PDLIM5: variants seen among roughly 807,000 people sequenced by gnomAD.
PDLIM5 encodes the protein PDZ and LIM domain 5.
PDLIM5 carries 34 observed loss-of-function variants against 64.2 expected under a neutral mutation model. The observed-to-expected ratio is 0.53, with a 90% CI of 0.40 to 0.71. The LOEUF is 0.71. Among genes scored for constraint, PDLIM5 ranks in the 30% least tolerant of loss-of-function variants. The pLI is 0.00. For missense variants in PDLIM5, 683 were observed against 733.6 expected, an observed-to-expected ratio of 0.93 and a Z score of 0.80; for synonymous variants, 253 against 269.1, an observed-to-expected ratio of 0.94 and a Z score of 0.59.
intron 2 of PDLIM5, chr4:94,455,732 A>C: frequency 6.8e-7 from 1 of 1,469,820 alleles, no homozygotes; most frequent in Non-Finnish European, 9.2e-7. Flanking sequence ...ATGGGATTTT[A>C]ATAATCTCTT....
intron 8 of PDLIM5, among the ~76,000 whole-genome samples, chr4:94,625,740 A>T (rs1193108972): frequency 6.6e-6 from 1 of 152,172 alleles, no homozygotes; most frequent in Non-Finnish European, 1.5e-5. Context: ...GACGTGAGCC[A>T]CTGCGCCCGG....
At chr4:94,488,352 AT>A (rs1726543377) in intron 2 of PDLIM5, among the ~76,000 whole-genome samples, 1 of 152,122 alleles carries the variant, frequency 6.6e-6, no homozygotes, top group Non-Finnish European at 1.5e-5. Flanking sequence ...TTTCCTAGCA[AT>A]TTTTATTACT....
At chr4:94,566,696 G>A (rs1028739142) in intron 3 of PDLIM5, among the ~76,000 whole-genome samples, 7 of 152,254 alleles carry the variant, frequency 4.6e-5, no homozygotes, top group African/African-American at 1.4e-4. Context: ...AAAGAGCTTC[G>A]TAAGAGAAGG....
intron 3 of PDLIM5, among the ~76,000 whole-genome samples, chr4:94,552,359 A>G (rs180801504): frequency 2.9e-3 from 449 of 152,296 alleles, no homozygotes; most frequent in Non-Finnish European, 3.7e-3. Flanking sequence ...AAATGTGGGC[A>G]ACATTCTTGT....
Position 94,655,328 on chromosome 4 carries a change from T to A in PDLIM5, c.1464+688T>A, listed in dbSNP as rs527827269. On this transcript the variant is annotated intron_variant, in intron 10 of 12. Coordinates refer to ENST00000317968, the MANE Select transcript of PDLIM5 (RefSeq NM_006457.5). ...TAAAGTAAGGGTCAGGCATACTTTA[T>A]GGTGACTAGGAGCTGGAATCTGATT... Among the ~76,000 whole-genome samples the A allele has an allele frequency of 5.9e-5, 9 of 152,314 alleles. No individual in the cohort carries two copies. The East Asian group carries it at 1.7e-3, about 29-fold the overall frequency.
intron 2 of PDLIM5, among the ~76,000 whole-genome samples, chr4:94,501,264 T>C (rs1357367088): frequency 2.0e-5 from 3 of 152,046 alleles, no homozygotes; most frequent in Non-Finnish European, 2.9e-5. Context: ...TTTTATTTTT[T>C]GTAGAGATGG....
chr4:94,626,459 C>T (rs1266827655), intron 8 of PDLIM5, among the ~76,000 whole-genome samples: 2 of 152,128 alleles, frequency 1.3e-5, no homozygotes, highest in Non-Finnish European at 2.9e-5. Flanking sequence ...ACTCTGAATA[C>T]TGTATTTTCC....
intron 7 of PDLIM5, among the ~76,000 whole-genome samples, chr4:94,611,968 A>G (rs1409015614): frequency 6.6e-6 from 1 of 152,222 alleles, no homozygotes; most frequent in Non-Finnish European, 1.5e-5. Context: ...CTGTAATCCC[A>G]GCATTTTGGG....
intron 2 of PDLIM5, among the ~76,000 whole-genome samples, chr4:94,463,347 T>TC (rs1205027244): frequency 2.0e-5 from 3 of 152,212 alleles, no homozygotes; most frequent in Non-Finnish European, 2.9e-5. Flanking sequence ...CTACTGTTGA[T>TC]CAGAAGCCTT....
chr4:94,618,083 A>G lies in PDLIM5; in HGVS notation c.1000A>G (p.Thr334Ala), dbSNP rs754650867. ...CATGCCCGAGAGCCTGGACAGCCCAACCTCTGGCAGACCAGGGGTTACCAG... is the reference window on the plus strand; with the variant it reads ...CATGCCCGAGAGCCTGGACAGCCCAGCCTCTGGCAGACCAGGGGTTACCAG... ...RSMPESLDSP[T>A]SGRPGVTSLT... Residue 334 changes from threonine (T) to alanine (A), a missense_variant, in exon 8 of 13, where the codon ACC (threonine) becomes GCC (alanine). By Grantham distance (58) the Thr-to-Ala change is moderately conservative. Coordinates refer to ENST00000317968, the MANE Select transcript of PDLIM5 (RefSeq NM_006457.5). 1.6e-5 allele frequency: 25 copies of G among 1,612,078 alleles called. No homozygotes were observed. In the Admixed American group the frequency reaches 3.3e-4, roughly 22 times the overall value.
At chr4:94,470,859 T>C (rs1578208857) in intron 2 of PDLIM5, among the ~76,000 whole-genome samples, 2 of 152,184 alleles carry the variant, frequency 1.3e-5, no homozygotes, top group Admixed American at 1.3e-4. Flanking sequence ...CAAGAGTGGG[T>C]AATTTATAAA....
intron 3 of PDLIM5, among the ~76,000 whole-genome samples, chr4:94,563,017 T>G (rs1275746339): frequency 2.6e-5 from 4 of 152,198 alleles, no homozygotes; most frequent in Admixed American, 6.5e-5. Flanking sequence ...AGTCTTCTAT[T>G]ATAAGCAAAA....
At chr4:94,541,538 T>G (rs2110184451) in intron 3 of PDLIM5, among the ~76,000 whole-genome samples, 1 of 152,328 alleles carries the variant, frequency 6.6e-6, no homozygotes, top group South Asian at 2.1e-4. Context: ...GCAAGGACAG[T>G]TTTGTGGGGG....
chr4:94,654,952 A>G (rs1192218360), intron 10 of PDLIM5, among the ~76,000 whole-genome samples: 1 of 152,166 alleles, frequency 6.6e-6, no homozygotes, highest in Admixed American at 6.5e-5. Context: ...TCAGGAATGA[A>G]GAGGTCGCAT....
chr4:94,470,341 G>T lies in PDLIM5; in HGVS notation c.96+14957G>T, dbSNP rs375817219. Among the ~76,000 whole-genome samples the T allele has an allele frequency of 5.9e-5, 9 of 152,084 alleles. No homozygotes were observed. The South Asian group carries it at 1.0e-3, about 18-fold the overall frequency. ...TGTTTTCCTTTCCTTGTGATGTTAC[G>T]ACCTTTTCTACTTTAATAAAGAAAT... On this transcript the variant is annotated intron_variant, in intron 2 of 12. Coordinates refer to ENST00000317968, the MANE Select transcript of PDLIM5 (RefSeq NM_006457.5).
intron 2 of PDLIM5, among the ~76,000 whole-genome samples, chr4:94,500,699 G>A (rs950235342): frequency 5.9e-5 from 9 of 152,066 alleles, no homozygotes; most frequent in Admixed American, 2.6e-4. Context: ...GCTGATAATC[G>A]TGTCTGCTCC....
intron 8 of PDLIM5, among the ~76,000 whole-genome samples, chr4:94,621,519 G>C (rs73834212): frequency 0.016 from 2,452 of 152,304 alleles, 75 homozygotes; most frequent in African/African-American, 0.056. Flanking sequence ...CTAAATTTCT[G>C]AGGTAGAAAC....
Position 94,666,412 on chromosome 4 carries a change from G to C in PDLIM5, c.*2345G>C. 1 of 187,100 alleles carries C rather than the reference G, an allele frequency of 5.3e-6. No individual in the cohort carries two copies. The highest frequency in any genetic ancestry group is 1.1e-5 in the Non-Finnish European group (1 of 90,888). 11.6% of individuals were successfully genotyped at this position (187,100 alleles called of 1,614,324 possible). On this transcript the variant is annotated 3_prime_UTR_variant, in exon 13 of 13. Coordinates refer to ENST00000317968, the MANE Select transcript of PDLIM5 (RefSeq NM_006457.5). ...GGCAGGAAATTTCTTTTGAAATAAAGTGCTGGAGCTGAATTCTGCATTATT... is the reference window on the plus strand; with the variant it reads ...GGCAGGAAATTTCTTTTGAAATAAACTGCTGGAGCTGAATTCTGCATTATT...
At chr4:94,610,197 C>T (rs1460213275) in intron 7 of PDLIM5, 29 of 1,524,458 alleles carry the variant, frequency 1.9e-5, no homozygotes, top group Non-Finnish European at 2.5e-5. Context: ...AAGATTCTTT[C>T]GAAGGTTTTC....
Sources: allele counts gnomAD v4.1 joint callset (sites outside exome capture counted in the v4.1 genomes callset), GRCh38; gene constraint gnomAD v4.1.1; transcripts MANE v1.5; gene names NCBI Gene and HGNC (gene_info 2026-07-23, HGNC 2026-07-21).